SLC39A12: variants seen among roughly 807,000 people sequenced by gnomAD.
SLC39A12 encodes zinc transporter ZIP12.
Under a neutral mutation model 71.1 loss-of-function variants are expected in SLC39A12, and 63 were observed. The observed-to-expected ratio is 0.89, with a 90% CI of 0.72 to 1.09. The LOEUF is 1.09. Ranked by LOEUF, SLC39A12 falls within the 50% of genes least tolerant of loss-of-function variation. SLC39A12 has a pLI of 0.00. For missense variants in SLC39A12, 892 were observed against 812.6 expected, an observed-to-expected ratio of 1.10 and a Z score of -1.19; for synonymous variants, 351 against 301.3, an observed-to-expected ratio of 1.16 and a Z score of -1.71.
In SLC39A12 at chr10:18,021,146, A is replaced by G. The variant is rs538556542; in HGVS notation, c.1947+17788A>G. Among the ~76,000 whole-genome samples the G allele has an allele frequency of 3.9e-5, 6 of 151,974 alleles. No homozygotes were observed. The East Asian group carries it at 1.2e-3, about 30-fold the overall frequency. On this transcript the variant is annotated intron_variant, in intron 12 of 12. Transcript: ENST00000377369. ...TAATCCATCTCAAGTTGATTTTTGT[A>G]TATGGTGAAAGGGGAGGGTCCAGTT...
chr10:17,960,606 G>C (rs1554848264), intron 2 of SLC39A12, among the ~76,000 whole-genome samples: 1 of 152,188 alleles, frequency 6.6e-6, no homozygotes, highest in East Asian at 1.9e-4. Flanking sequence ...GTGGACCACA[G>C]GTTCTCATAG....
chr10:18,023,589 T>C (rs572254476), intron 12 of SLC39A12, among the ~76,000 whole-genome samples: 48 of 152,020 alleles, frequency 3.2e-4, no homozygotes, highest in Admixed American at 4.6e-4. Context: ...AAGCCCAATC[T>C]GGAGGCCCTG....
At chr10:18,029,247 A>T (rs1281232510) in intron 12 of SLC39A12, among the ~76,000 whole-genome samples, 3 of 152,194 alleles carry the variant, frequency 2.0e-5, no homozygotes, top group Non-Finnish European at 2.9e-5. Context: ...AGCAGTTTTC[A>T]ATTAGGTAAC....
At chr10:18,042,243 C>T (rs899263619) in intron 12 of SLC39A12, among the ~76,000 whole-genome samples, 2 of 151,994 alleles carry the variant, frequency 1.3e-5, no homozygotes, top group African/African-American at 2.4e-5. Context: ...TTTGGGAGGC[C>T]GCAACATGCA....
At chr10:17,986,714 AAC>A (rs983879370) in intron 6 of SLC39A12, among the ~76,000 whole-genome samples, 16 of 152,212 alleles carry the variant, frequency 1.1e-4, no homozygotes, top group African/African-American at 3.9e-4. Flanking sequence ...TGCCGCATAT[AAC>A]ACTTATAAGA....
At chr10:18,020,477 T>C (rs983543987) in intron 12 of SLC39A12, among the ~76,000 whole-genome samples, 10 of 152,118 alleles carry the variant, frequency 6.6e-5, no homozygotes, top group Non-Finnish European at 1.3e-4. Context: ...CTTTTGGATA[T>C]ATATAGCCAG....
chr10:18,036,470 G>A (rs944938927), intron 12 of SLC39A12, among the ~76,000 whole-genome samples: 4 of 151,918 alleles, frequency 2.6e-5, no homozygotes, highest in Admixed American at 6.6e-5. Flanking sequence ...GACCCCTTGC[G>A]CTTCCCAGAT....
At chr10:17,973,144 C>T (rs1165260690) in intron 4 of SLC39A12, among the ~76,000 whole-genome samples, 1 of 152,030 alleles carries the variant, frequency 6.6e-6, no homozygotes, top group Non-Finnish European at 1.5e-5. Context: ...TTAATTGTGT[C>T]CCCCAACTTT....
intron 10 of SLC39A12, among the ~76,000 whole-genome samples, chr10:17,998,841 C>T (rs975560084): frequency 5.9e-5 from 9 of 152,114 alleles, no homozygotes; most frequent in African/African-American, 2.2e-4. Context: ...AATAAGATGG[C>T]AAACCACATT....
chr10:18,006,917 G>T (rs559349223), intron 12 of SLC39A12, among the ~76,000 whole-genome samples: 1 of 152,328 alleles, frequency 6.6e-6, no homozygotes, highest in South Asian at 2.1e-4. Flanking sequence ...TCCTTGGAAT[G>T]GGTCTCTGCA....
intron 12 of SLC39A12, among the ~76,000 whole-genome samples, chr10:18,003,675 T>C (rs1400286791): frequency 6.6e-6 from 1 of 152,208 alleles, no homozygotes; most frequent in Non-Finnish European, 1.5e-5. Context: ...AAAGTAATCA[T>C]CAGCTCATTC....
At position 18,036,775 on chromosome 10, in the gene SLC39A12, TATATA is replaced by T. The variant is rs1417809289; in HGVS notation, c.1948-5929_1948-5925del. Among the ~76,000 whole-genome samples, 29 of 22,276 alleles carry T rather than the reference TATATA, an allele frequency of 1.3e-3. 1 individual carries two copies. Among genetic ancestry groups the T allele is most frequent in the African/African-American group, 5.1e-3 (29 of 5,666 alleles). The allele number at this position is 22,276 out of a possible 152,430, so 14.6% of individuals were successfully genotyped here. On this transcript the variant is annotated intron_variant, in intron 12 of 12. Coordinates refer to ENST00000377369, the MANE Select transcript of SLC39A12 (RefSeq NM_001145195.2). ...ATATATATATATATATATATATATATATATATATATATATATATATTTTTTTTTTT... is the reference window on the plus strand; with the variant it reads ...ATATATATATATATATATATATATATTATATATATATATATTTTTTTTTTT...
chr10:17,958,618 A>G (rs1360346129), intron 2 of SLC39A12, among the ~76,000 whole-genome samples: 1 of 152,162 alleles, frequency 6.6e-6, no homozygotes, highest in Non-Finnish European at 1.5e-5. Flanking sequence ...AGGAATTGTG[A>G]CTAACAGTGC....
intron 4 of SLC39A12, among the ~76,000 whole-genome samples, chr10:17,966,698 G>A (rs144980156): frequency 0.014 from 2,069 of 152,028 alleles, 40 homozygotes; most frequent in African/African-American, 0.043. Flanking sequence ...GGCTGGGTGC[G>A]GTGGCTCACA....
intron 12 of SLC39A12, among the ~76,000 whole-genome samples, chr10:18,017,969 T>G (rs1383623357): frequency 6.6e-6 from 1 of 152,190 alleles, no homozygotes; most frequent in Non-Finnish European, 1.5e-5. Context: ...ATACATCAAA[T>G]TGGAAATAAC....
At chr10:18,012,399 C>T (rs796073249) in intron 12 of SLC39A12, among the ~76,000 whole-genome samples, 4 of 152,262 alleles carry the variant, frequency 2.6e-5, no homozygotes, top group African/African-American at 9.6e-5. Flanking sequence ...TCCTGGAGGG[C>T]CTTTTTAAGA....
At chr10:17,999,603 A>AT (rs1429783316) in intron 10 of SLC39A12, among the ~76,000 whole-genome samples, 2 of 152,336 alleles carry the variant, frequency 1.3e-5, no homozygotes, top group Admixed American at 1.3e-4. Flanking sequence ...GAACCCAATT[A>AT]TGATCAAAAT....
intron 12 of SLC39A12, among the ~76,000 whole-genome samples, chr10:18,036,144 G>T (rs900987648): frequency 6.6e-6 from 1 of 152,254 alleles, no homozygotes; most frequent in African/African-American, 2.4e-5. Context: ...TGCAGTGGCA[G>T]GCAGGCCTCC....
chr10:18,039,931 C>G (rs1564667468), intron 12 of SLC39A12, among the ~76,000 whole-genome samples: 1 of 152,144 alleles, frequency 6.6e-6, no homozygotes, highest in Non-Finnish European at 1.5e-5. Flanking sequence ...GAATGTTGAA[C>G]TAATATCAAG....
Sources: allele counts gnomAD v4.1 joint callset (sites outside exome capture counted in the v4.1 genomes callset), GRCh38; gene constraint gnomAD v4.1.1; transcripts MANE v1.5; gene names NCBI Gene and HGNC (gene_info 2026-07-23, HGNC 2026-07-21).